PATJ: variants seen among roughly 807,000 people sequenced by gnomAD.
PATJ encodes the protein PATJ crumbs cell polarity complex component, also known as inaD-like protein.
Under a neutral mutation model 224.9 loss-of-function variants are expected in PATJ, and 190 were observed. That is an observed-to-expected ratio of 0.84 (90% CI 0.75 to 0.95). The LOEUF (loss-of-function observed/expected upper bound fraction) is 0.95, where lower values mean the gene tolerates loss of function less well. PATJ is among the 40% of genes least tolerant of loss of function. The pLI is 0.00. For missense variants in PATJ, 2,121 were observed against 2,270.3 expected (o/e 0.93, Z 1.34); for synonymous variants, 769 against 820.3 (o/e 0.94, Z 1.07).
At chr1:61,864,117 C>A in intron 19 of PATJ, 121 bp from the exon 20 acceptor site, 2 of 717,602 alleles carry the variant, frequency 2.8e-6, no homozygotes, top group Non-Finnish European at 4.6e-6. Flanking sequence ...GAGAGCTGTG[C>A]ATGTTAGCTG....
intron 14 of PATJ, among the ~76,000 whole-genome samples, chr1:61,812,433 A>AGAGAGAGTGTGTGT (rs1397549346): frequency 3.5e-5 from 3 of 85,204 alleles, no homozygotes; most frequent in African/African-American, 1.3e-4. Flanking sequence ...AGAGAGAGAG[A>AGAGAGAGTGTGTGT]GTGTGTGTGT....
rs1667816292 is a variant in PATJ, at chr1:62,144,546, T to C, written c.5272-3738T>C. 2.0e-5 allele frequency among the ~76,000 whole-genome samples: 3 copies of C among 152,162 alleles called. No individual in the cohort carries two copies. In the South Asian group the frequency reaches 6.2e-4, roughly 32 times the overall value. ...AGAAGCAGAGGTAACCAAGGAGCTC[T>C]TGAGAAAGTATCTCTGGTAACTAGT... On this transcript the variant is annotated intron_variant, in intron 41 of 43. Transcript: ENST00000642238.
chr1:61,910,096 C>A (rs1672402442), intron 25 of PATJ, among the ~76,000 whole-genome samples: 2 of 152,134 alleles, frequency 1.3e-5, no homozygotes, highest in Admixed American at 1.3e-4. Context: ...GAGGCCATGG[C>A]TTTTATTTCT....
Position 61,864,317 on chromosome 1 carries a change from A to G in PATJ, c.2519A>G (p.Gln840Arg), listed in dbSNP as rs1665073737. The G allele has an allele frequency of 1.2e-6, 2 of 1,614,112 alleles. No individual in the cohort carries two copies. The highest frequency in any genetic ancestry group is 1.7e-5 in the Admixed American group (1 of 60,028). ...GATCTGGGAAAGTCTTTCCATTCCC[A>G]ACAAAAAGAGATAGAGCAAAGCAAG... ...FLDLGKSFHS[Q>R]QKEIEQSKEA... The change falls in exon 20 of 44, where the codon CAA becomes CGA. Residue 840 changes from glutamine to arginine, a missense_variant. Physicochemically the swap from Gln to Arg is conservative, Grantham distance 43. Coordinates refer to ENST00000642238, the MANE Select transcript of PATJ (RefSeq NM_001350145.3).
Position 62,153,477 on chromosome 1 carries a change from C to G in PATJ, c.5498C>G (p.Ala1833Gly). The G allele has an allele frequency of 1.6e-6, 2 of 1,230,948 alleles. No homozygotes were observed. The highest frequency in any genetic ancestry group is 2.0e-6 in the Non-Finnish European group (2 of 986,946). The allele number at this position is 1,230,948 out of a possible 1,614,324, so 76.3% of individuals were successfully genotyped here. Residue 1833 changes from alanine (A) to glycine (G), a missense_variant, in exon 43 of 44, where the codon GCA (alanine) becomes GGA (glycine). Coordinates refer to ENST00000642238, the MANE Select transcript of PATJ (RefSeq NM_001350145.3). Reference protein sequence around the residue: ...DLPIYVKTVFAKGAAADDGRL... With the variant: ...DLPIYVKTVFGKGAAADDGRL... ...CCAATTTATGTCAAGACTGTATTTGCAAAGGTATATCTTCTTTTTTAATGT... is the reference window on the plus strand; with the variant it reads ...CCAATTTATGTCAAGACTGTATTTGGAAAGGTATATCTTCTTTTTTAATGT...
intron 7 of PATJ, among the ~76,000 whole-genome samples, chr1:61,783,926 T>C (rs1355154717): frequency 6.6e-6 from 1 of 151,996 alleles, no homozygotes; most frequent in Non-Finnish European, 1.5e-5. Context: ...GTGTTTTTAG[T>C]AGATATGGGG....
At chr1:61,952,280 A>AG (rs34366135) in intron 27 of PATJ, 68,462 of 457,594 alleles carry the variant, frequency 0.15, 2,979 homozygotes, top group Middle Eastern at 0.23. Flanking sequence ...GAGAGAGAGA[A>AG]AAATAGGCCC....
intron 43 of PATJ, among the ~76,000 whole-genome samples, chr1:62,156,358 T>A (rs1669218520): frequency 2.0e-5 from 3 of 151,548 alleles, no homozygotes; most frequent in Non-Finnish European, 2.9e-5. Flanking sequence ...GGTGAAACCC[T>A]ATCTCTACTA....
chr1:61,888,689 A>G (rs1669204878), intron 22 of PATJ, among the ~76,000 whole-genome samples: 1 of 152,232 alleles, frequency 6.6e-6, no homozygotes, highest in South Asian at 2.1e-4. Context: ...AAGAATCAGA[A>G]AAGATCTAAG....
chr1:62,131,867 T>C (rs1162577976), intron 41 of PATJ, among the ~76,000 whole-genome samples: 1 of 97,330 alleles, frequency 1.0e-5, no homozygotes, highest in African/African-American at 4.1e-5. Flanking sequence ...GATGAATGAA[T>C]TATTATTTTT....
chr1:62,009,065 A>T (rs7539547), intron 28 of PATJ, among the ~76,000 whole-genome samples: 29,718 of 152,166 alleles, frequency 0.2, 3,041 homozygotes, highest in Non-Finnish European at 0.21. Flanking sequence ...ATTTACTGGA[A>T]GTAAATGGAA....
chr1:61,915,571 ATAGAT>A (rs1673331262), intron 26 of PATJ, among the ~76,000 whole-genome samples: 1 of 152,110 alleles, frequency 6.6e-6, no homozygotes, highest in Non-Finnish European at 1.5e-5. Flanking sequence ...TGTTGAATCT[ATAGAT>A]TAACTTAGAA....
chr1:62,072,992 G>A (rs1657703621), intron 31 of PATJ: 1 of 971,422 alleles, frequency 1.0e-6, no homozygotes, highest in Non-Finnish European at 1.2e-6. Context: ...CTCCAATGCT[G>A]CTAATTGGTT....
chr1:62,137,056 C>CTGTT (rs758124474), intron 41 of PATJ, among the ~76,000 whole-genome samples: 13 of 152,058 alleles, frequency 8.5e-5, no homozygotes, highest in Non-Finnish European at 2.9e-5. Context: ...ATACCTAAAC[C>CTGTT]TGTTTTTAAA....
intron 41 of PATJ, among the ~76,000 whole-genome samples, chr1:62,131,712 A>G (rs1459627660): frequency 6.6e-6 from 1 of 152,034 alleles, no homozygotes; most frequent in Non-Finnish European, 1.5e-5. Flanking sequence ...ACTTGAGCCC[A>G]AGAGTTTGAG....
rs114112998 is a variant in PATJ at position 61,856,005 on chromosome 1, T to A, written c.2113-25T>A. The A allele has an allele frequency of 5.8e-4, 916 of 1,575,034 alleles. 3 individuals are homozygous for A. The African/African-American group carries it at 0.011, about 20-fold the overall frequency. ...TATTTATTTTCAGTGCATGGACTCA[T>A]CCTTCTTCTTTGCTCGATTCACAGG... On this transcript the variant is annotated intron_variant, in intron 17 of 43. Coordinates refer to ENST00000642238, the MANE Select transcript of PATJ (RefSeq NM_001350145.3).
rs564432183 is a variant in PATJ at position 62,062,642 on chromosome 1, C to T, written c.4125+11584C>T. Reference sequence around the variant, plus strand: ...CCTTCCAAGTAATTGGGACTATAGGCGCACCACCACACTTGGCTAATTTTT... The same window carrying T: ...CCTTCCAAGTAATTGGGACTATAGGTGCACCACCACACTTGGCTAATTTTT... On this transcript the variant is annotated intron_variant, in intron 31 of 43. Transcript: ENST00000642238. 4.6e-5 allele frequency among the ~76,000 whole-genome samples: 7 copies of T among 151,140 alleles called. No homozygotes were observed. In the South Asian group the frequency reaches 8.4e-4, roughly 18 times the overall value.
intron 14 of PATJ, among the ~76,000 whole-genome samples, chr1:61,810,957 A>G (rs956752129): frequency 6.6e-6 from 1 of 152,122 alleles, no homozygotes; most frequent in Non-Finnish European, 1.5e-5. Context: ...TTCATTTGTT[A>G]TTAATTACTG....
chr1:62,121,240 C>T lies in PATJ; in HGVS notation c.4950C>T (p.Gly1650=), dbSNP rs1385396327. 1 of 1,613,724 alleles carries T rather than the reference C, an allele frequency of 6.2e-7. No homozygotes were observed. The highest frequency in any genetic ancestry group is 8.5e-7 in the Non-Finnish European group (1 of 1,179,950). Residue 1650 remains glycine, a synonymous_variant, in exon 38 of 44, where the codon GGC becomes GGT. Transcript: ENST00000642238. ...CCTCCTTCGCTCCTGTCATCACTGGCCTGCAAAACCTGGTTGGCACAAAAA... is the reference window on the plus strand; with the variant it reads ...CCTCCTTCGCTCCTGTCATCACTGGTCTGCAAAACCTGGTTGGCACAAAAA... ...CHPSFAPVIT[G]LQNLVGTKRV... is the part of the protein sequence containing the mutation.
Sources: allele counts gnomAD v4.1 joint callset (sites outside exome capture counted in the v4.1 genomes callset), GRCh38; gene constraint gnomAD v4.1.1; transcripts MANE v1.5; gene names NCBI Gene and HGNC (gene_info 2026-07-23, HGNC 2026-07-21).